AKAP12: variants seen among roughly 807,000 people sequenced by gnomAD.
AKAP12 encodes the protein A-kinase anchoring protein 12, also known as A-kinase anchor protein 12.
AKAP12 carries 32 observed loss-of-function variants against 79.9 expected under a neutral mutation model. That is an observed-to-expected ratio of 0.40 (90% CI 0.30 to 0.54). AKAP12 has a LOEUF of 0.54. Ranked by LOEUF, AKAP12 falls within the 20% of genes least tolerant of loss-of-function variation. The probability of loss-of-function intolerance (pLI) is 0.48; values close to 1 mark genes in which losing one functional copy is unlikely to be tolerated. For synonymous variants in AKAP12, 808 were observed against 857.0 expected (o/e 0.94, Z 1.00); for missense variants, 2,074 against 2,177.0 (o/e 0.95, Z 0.94).
intron 3 of AKAP12, chr6:151,325,777 G>T: frequency 6.2e-7 from 1 of 1,610,194 alleles, no homozygotes; most frequent in Non-Finnish European, 8.5e-7. Flanking sequence ...ACCACCTGCG[G>T]TTGGCAGGCA....
At chr6:151,298,297 T>C (rs3818832) in intron 2 of AKAP12, among the ~76,000 whole-genome samples, 35,206 of 152,066 alleles carry the variant, frequency 0.23, 4,328 homozygotes, top group East Asian at 0.43. Flanking sequence ...TATTGTTGAG[T>C]GCAGAGCAGG....
chr6:151,245,530 C>T (rs549164521), intron 2 of AKAP12, among the ~76,000 whole-genome samples: 6 of 151,586 alleles, frequency 4.0e-5, no homozygotes, highest in Middle Eastern at 3.4e-3. Flanking sequence ...CTCCTGACCT[C>T]GTGATCCACC....
chr6:151,317,231 A>T (rs1777257951), intron 3 of AKAP12, among the ~76,000 whole-genome samples: 1 of 152,172 alleles, frequency 6.6e-6, no homozygotes. Flanking sequence ...AGGTTTGCGG[A>T]GTTTTCTCCA....
chr6:151,277,697 A>AT (rs1776312389), intron 2 of AKAP12, among the ~76,000 whole-genome samples: 1 of 152,170 alleles, frequency 6.6e-6, no homozygotes, highest in Non-Finnish European at 1.5e-5. Flanking sequence ...TATAAATCCC[A>AT]TTTTTTATTT....
rs1386783863 is a variant in AKAP12 at position 151,352,096 on chromosome 6, A to G, written c.3705A>G (p.Glu1235=). The change falls in exon 4 of 5, where the codon GAA becomes GAG. Residue 1235 remains glutamate, a synonymous_variant. Transcript: ENST00000402676. ...TTGTGTTCCAGGAAGAAACTAAAGA[A>G]CAATCAAAGATGGAAGACACTCTAG... The part of the protein sequence containing the change: ...SSFVFQEETK[E]QSKMEDTLEH... 4.3e-6 allele frequency: 7 copies of G among 1,614,202 alleles called. No homozygotes were observed. Among genetic ancestry groups the G allele is most frequent in the Non-Finnish European group, 5.9e-6 (7 of 1,180,036 alleles).
chr6:151,317,989 G>C (rs1354189921), intron 3 of AKAP12, among the ~76,000 whole-genome samples: 1 of 152,206 alleles, frequency 6.6e-6, no homozygotes. Context: ...CTCCTGCCAA[G>C]CCCTGTGACC....
intron 3 of AKAP12, 90 bp from the exon 4 acceptor site, chr6:151,348,621 A>C (rs1408910065): frequency 4.1e-6 from 4 of 968,082 alleles, no homozygotes; most frequent in Non-Finnish European, 3.0e-6. Context: ...CCGGGGCAAG[A>C]GAGTGAGGCC....
Position 151,349,844 on chromosome 6 carries a change from G to C in AKAP12, c.1453G>C (p.Asp485His). ...TACACAGGGAGCTGACCTCAGTCCT[G>C]ATGAGAAGGTGCTGTCCAAACCCCC... ...DPTQGADLSP[D>H]EKVLSKPPEG... The change falls in exon 4 of 5, where the codon GAT (aspartate) becomes CAT (histidine). Residue 485 changes from aspartate to histidine, a missense_variant. Physicochemically the swap from Asp to His is moderately conservative, Grantham distance 81. Transcript: ENST00000402676. 1 of 1,614,188 alleles carries C rather than the reference G, an allele frequency of 6.2e-7. No homozygotes were observed. The highest frequency in any genetic ancestry group is 1.1e-5 in the South Asian group (1 of 91,084).
At position 151,348,697 on chromosome 6, in the gene AKAP12, C is replaced by CCCCCTTTTTTT; in HGVS notation, c.320-14_320-13insCCCCTTTTTTT. On this transcript the variant is annotated splice_polypyrimidine_tract_variant and intron_variant, in intron 3 of 4. Transcript: ENST00000402676. ...TTCTCTTCTCCCCACCCCCCCGCCC[C>CCCCCTTTTTTT]TTTTTGTTAATAGTTGGACAGAGAG... 1 of 650,664 alleles carries CCCCCTTTTTTT rather than the reference C, an allele frequency of 1.5e-6. No homozygotes were observed. Among genetic ancestry groups the CCCCCTTTTTTT allele is most frequent in the Non-Finnish European group, 2.4e-6 (1 of 420,006 alleles). The allele number at this position is 650,664 out of a possible 1,614,324, so 40.3% of individuals were successfully genotyped here.
chr6:151,260,167 G>C (rs1797396106), intron 2 of AKAP12, among the ~76,000 whole-genome samples: 1 of 152,192 alleles, frequency 6.6e-6, no homozygotes, highest in African/African-American at 2.4e-5. Context: ...TAGGTACCAA[G>C]CAGTTGTTTT....
chr6:151,312,790 C>G (rs866375547), intron 3 of AKAP12, among the ~76,000 whole-genome samples: 1 of 52,400 alleles, frequency 1.9e-5, no homozygotes, highest in African/African-American at 1.0e-4. Flanking sequence ...GAGACTCTGT[C>G]TCCAAAAAAA....
intron 2 of AKAP12, among the ~76,000 whole-genome samples, chr6:151,287,752 GAC>G (rs1776534395): frequency 6.6e-6 from 1 of 152,124 alleles, no homozygotes; most frequent in African/African-American, 2.4e-5. Flanking sequence ...CTACTATAAA[GAC>G]ACATGCATAC....
chr6:151,263,916 A>T (rs1797492034), intron 2 of AKAP12, among the ~76,000 whole-genome samples: 1 of 152,120 alleles, frequency 6.6e-6, no homozygotes, highest in Admixed American at 6.6e-5. Flanking sequence ...CTTCCATTAC[A>T]TCTATGTGCT....
chr6:151,319,794 A>G (rs1334106743), intron 3 of AKAP12: 3 of 154,750 alleles, frequency 1.9e-5, no homozygotes, highest in Non-Finnish European at 4.4e-5. Flanking sequence ...ACCATCCCTG[A>G]TAGAGGAGGA....
At chr6:151,322,464 G>A (rs1777420891) in intron 3 of AKAP12, among the ~76,000 whole-genome samples, 1 of 152,132 alleles carries the variant, frequency 6.6e-6, no homozygotes, top group Admixed American at 6.6e-5. Flanking sequence ...TCCCCGCCAA[G>A]CCCCCAACTC....
intron 2 of AKAP12, among the ~76,000 whole-genome samples, chr6:151,276,635 C>G (rs562693176): frequency 1.3e-5 from 2 of 152,252 alleles, no homozygotes; most frequent in Non-Finnish European, 2.9e-5. Flanking sequence ...CCCTGAGCCT[C>G]GCACAAAGAG....
intron 2 of AKAP12, among the ~76,000 whole-genome samples, chr6:151,262,792 A>G (rs1471657358): frequency 6.6e-6 from 1 of 152,192 alleles, no homozygotes; most frequent in African/African-American, 2.4e-5. Flanking sequence ...GACTTAGTAC[A>G]GGGAGCATCA....
chr6:151,352,349 C>T lies in AKAP12; in HGVS notation c.3958C>T (p.Leu1320Phe), dbSNP rs924652111. The T allele has an allele frequency of 6.2e-7, 1 of 1,614,174 alleles. No homozygotes were observed. Among genetic ancestry groups the T allele is most frequent in the Non-Finnish European group, 8.5e-7 (1 of 1,180,040 alleles). ...AGCTGAATGTAAAAAGGATGATGCTCTTGAACTGCAGAGTCACGCTAAGTC... is the reference window on the plus strand; with the variant it reads ...AGCTGAATGTAAAAAGGATGATGCTTTTGAACTGCAGAGTCACGCTAAGTC... ...EEAECKKDDALELQSHAKSPP... is the reference protein window; with the variant it reads ...EEAECKKDDAFELQSHAKSPP... Residue 1320 changes from leucine (L) to phenylalanine (F), a missense_variant, in exon 4 of 5, where the codon CTT becomes TTT. Transcript: ENST00000402676.
intron 2 of AKAP12, among the ~76,000 whole-genome samples, chr6:151,258,545 G>T (rs1429138024): frequency 1.3e-5 from 2 of 152,130 alleles, no homozygotes; most frequent in Non-Finnish European, 2.9e-5. Flanking sequence ...TCAACATAGG[G>T]CTATTCTTGT....
Sources: allele counts gnomAD v4.1 joint callset (sites outside exome capture counted in the v4.1 genomes callset), GRCh38; gene constraint gnomAD v4.1.1; transcripts MANE v1.5; gene names NCBI Gene and HGNC (gene_info 2026-07-23, HGNC 2026-07-21).